SGO1: variants seen among roughly 807,000 people sequenced by gnomAD.
The protein encoded by SGO1 is shugoshin 1.
SGO1 carries 39 observed loss-of-function variants against 50.5 expected under a neutral mutation model. That is an observed-to-expected ratio of 0.77 (90% CI 0.60 to 1.01). SGO1 has a LOEUF of 1.01. Among genes scored for constraint, SGO1 ranks in the 50% least tolerant of loss-of-function variants. SGO1 has a pLI of 0.00. For synonymous variants in SGO1, 191 were observed against 205.1 expected (o/e 0.93, Z 0.59); for missense variants, 638 against 606.0 (o/e 1.05, Z -0.55).
chr3:20,163,871 AC>A (rs994396391), intron 8 of SGO1, among the ~76,000 whole-genome samples: 5 of 152,226 alleles, frequency 3.3e-5, no homozygotes, highest in African/African-American at 1.2e-4. Context: ...CTTGTATAAC[AC>A]AAATTAGCAA....
intron 8 of SGO1, among the ~76,000 whole-genome samples, chr3:20,162,333 A>C (rs895841573): frequency 1.3e-5 from 2 of 152,210 alleles, no homozygotes; most frequent in Non-Finnish European, 2.9e-5. Flanking sequence ...ACCTTGTTGA[A>C]TAAATGAGAC....
Position 20,174,655 on chromosome 3 carries a change from T to C in SGO1, c.876A>G (p.Arg292=), listed in dbSNP as rs1701166695. The C allele has an allele frequency of 6.2e-7, 1 of 1,604,550 alleles. No individual in the cohort carries two copies. The highest frequency in any genetic ancestry group is 1.3e-5 in the African/African-American group (1 of 74,152). The change falls in exon 6 of 8, where the codon AGA becomes AGG. Residue 292 remains arginine, a synonymous_variant. Coordinates refer to ENST00000412997, the MANE Select transcript of SGO1 (RefSeq NM_001199251.3). ...TCCTGTTAGCTTTTCTTTTCTCTTC[T>C]CTTTTTCTTTCTTGTGTATCTCTTT... ...SKQRDTQERK[R]EEKRKANRRK...
rs780685130 is a variant in SGO1, at chr3:20,174,925, T to C, written c.606A>G (p.Ile202Met). 6.2e-7 allele frequency: 1 copy of C among 1,614,098 alleles called. No homozygotes were observed. Among genetic ancestry groups the C allele is most frequent in the Non-Finnish European group, 8.5e-7 (1 of 1,179,980 alleles). Residue 202 changes from isoleucine to methionine, a missense_variant, in exon 6 of 8, where the codon ATA becomes ATG. By Grantham distance (10) the Ile-to-Met change is conservative. Transcript: ENST00000412997. ...AATCATCCAAGCTATCAAACTGACA[T>C]ATACTGTTACAATGTTTCTTTAAAC... is the stretch of plus-strand genomic sequence containing the variant. Reference protein sequence around the residue: ...RSSLKKHCNSICQFDSLDDFE... With the variant: ...RSSLKKHCNSMCQFDSLDDFE...
Position 20,174,905 on chromosome 3 carries a change from T to C in SGO1, c.626A>G (p.Asp209Gly), listed in dbSNP as rs758226138. Residue 209 changes from aspartate (D) to glycine (G), a missense_variant, in exon 6 of 8, where the codon GAT becomes GGT. Physicochemically the swap from Asp to Gly is moderately conservative, Grantham distance 94 (BLOSUM62 -1). Coordinates refer to ENST00000412997, the MANE Select transcript of SGO1 (RefSeq NM_001199251.3). Reference protein sequence around the residue: ...CNSICQFDSLDDFETSHLAGK... With the variant: ...CNSICQFDSLGDFETSHLAGK... ...TGCCAAATGACTGGTTTCAAAATCA[T>C]CCAAGCTATCAAACTGACATATACT... The C allele has an allele frequency of 1.2e-6, 2 of 1,614,092 alleles. No individual in the cohort carries two copies. The highest frequency in any genetic ancestry group is 2.2e-5 in the South Asian group (2 of 91,074).
chr3:20,169,653 G>C lies in SGO1; in HGVS notation c.*1051C>G, dbSNP rs1700521350. On this transcript the variant is annotated 3_prime_UTR_variant, in exon 8 of 8. Coordinates refer to ENST00000412997, the MANE Select transcript of SGO1 (RefSeq NM_001199251.3). Reference sequence around the variant, plus strand: ...CTAAATATTCACACATTTAATCTCTGAGATTTCTGACTAAATAAGGAGCTA... The same window carrying C: ...CTAAATATTCACACATTTAATCTCTCAGATTTCTGACTAAATAAGGAGCTA... 1.0e-6 allele frequency: 1 copy of C among 971,814 alleles called. No homozygotes were observed. Among genetic ancestry groups the C allele is most frequent in the Admixed American group, 6.2e-5 (1 of 16,232 alleles). The allele number at this position is 971,814 out of a possible 1,614,324, so 60.2% of individuals were successfully genotyped here. A position where few individuals can be genotyped will look rare whatever the true frequency, so the allele number is the denominator to read the frequency against.
At chr3:20,172,858 G>A (rs1355653688) in intron 6 of SGO1, among the ~76,000 whole-genome samples, 1 of 151,132 alleles carries the variant, frequency 6.6e-6, no homozygotes, top group Non-Finnish European at 1.5e-5. Flanking sequence ...CCCAAGTACT[G>A]GGGAGGCTGA....
chr3:20,186,039 A>T lies in SGO1; in HGVS notation c.-99T>A, dbSNP rs1048122859. 3.3e-5 allele frequency: 5 copies of T among 152,408 alleles called. No homozygotes were observed. Among genetic ancestry groups the T allele is most frequent in the Non-Finnish European group, 4.4e-5 (3 of 68,214 alleles). The allele number at this position is 152,408 out of a possible 1,614,324, so 9.4% of individuals were successfully genotyped here. ...GTGGACGCGGCGACCCTCCTGCCGC[A>T]GGCGCGTCCAGAACGATACCTTGGC... is the stretch of plus-strand genomic sequence containing the variant. On this transcript the variant is annotated 5_prime_UTR_variant, in exon 1 of 8. Coordinates refer to ENST00000412997, the MANE Select transcript of SGO1 (RefSeq NM_001199251.3).
rs755358207 is a variant in SGO1 at position 20,174,294 on chromosome 3, C to G, written c.1237G>C (p.Asp413His). The G allele has an allele frequency of 2.8e-5, 46 of 1,614,140 alleles. No individual in the cohort carries two copies. In the Admixed American group the frequency reaches 7.0e-4, roughly 25 times the overall value. ...PLAKRALKYT[D>H]EKETEGSKPT... is the part of the protein sequence containing the mutation. ...TTAGAACCCTCCGTCTCTTTTTCAT[C>G]TGTGTATTTCAGTGCTCTTTTAGCT... is the stretch of plus-strand genomic sequence containing the variant. Residue 413 changes from aspartate (D) to histidine (H), a missense_variant, in exon 6 of 8, where the codon GAT (aspartate) becomes CAT (histidine). Transcript: ENST00000412997.
At chr3:20,169,049 A>C (rs993306665), downstream of SGO1, 14 of 985,248 alleles carry the variant, frequency 1.4e-5, no homozygotes, top group Non-Finnish European at 1.7e-5. Context: ...AAAACTTAAA[A>C]ATTAAGAGAC....
In SGO1 at chr3:20,183,673, G is replaced by C. The variant is rs1702281084; in HGVS notation, c.274C>G (p.Leu92Val). ...ILQLRKECYYLTCQLYALKGK... is the reference protein window; with the variant it reads ...ILQLRKECYYVTCQLYALKGK... Reference sequence around the variant, plus strand: ...TTCAATGCATATAGCTGACATGTGAGATAGTAACATTCTTTTCTCAGCTGT... The same window carrying C: ...TTCAATGCATATAGCTGACATGTGACATAGTAACATTCTTTTCTCAGCTGT... The change falls in exon 3 of 8, where the codon CTC becomes GTC. Residue 92 changes from leucine to valine, a missense_variant. Leu to Val is a conservative substitution (Grantham distance 32). Coordinates refer to ENST00000412997, the MANE Select transcript of SGO1 (RefSeq NM_001199251.3). 6.2e-7 allele frequency: 1 copy of C among 1,611,910 alleles called. No homozygotes were observed. The highest frequency in any genetic ancestry group is 1.7e-4 in the Middle Eastern group (1 of 6,052).
chr3:20,177,872 T>C (rs189906542), intron 4 of SGO1, among the ~76,000 whole-genome samples: 3,932 of 150,052 alleles, frequency 0.026, 70 homozygotes, highest in Non-Finnish European at 0.038. Flanking sequence ...GTGTTAAATA[T>C]GATATTTTAT....
At chr3:20,178,190 T>G (rs1358226638) in intron 4 of SGO1, 81 bp downstream of exon 4, 1 of 963,598 alleles carries the variant, frequency 1.0e-6, no homozygotes, top group Non-Finnish European at 1.7e-6. Context: ...GTTGACATGA[T>G]GCACATTTCC....
chr3:20,166,131 TAGAC>T (rs1203749827), downstream of SGO1, among the ~76,000 whole-genome samples: 1 of 151,684 alleles, frequency 6.6e-6, no homozygotes, highest in African/African-American at 2.4e-5. Context: ...GAAGAGAAAA[TAGAC>T]AAATTGGATT....
intron 3 of SGO1, among the ~76,000 whole-genome samples, chr3:20,183,142 A>G (rs541163944): frequency 6.6e-6 from 1 of 152,350 alleles, no homozygotes; most frequent in South Asian, 2.1e-4. Flanking sequence ...AATACTCCCT[A>G]TGTCCTAAAT....
Position 20,174,893 on chromosome 3 carries a change from G to C in SGO1, c.638C>G (p.Thr213Ser). ...CQFDSLDDFE[T>S]SHLAGKSFEF... is the part of the protein sequence containing the mutation. ...AAAAGACTTCCCTGCCAAATGACTG[G>C]TTTCAAAATCATCCAAGCTATCAAA... Residue 213 changes from threonine to serine, a missense_variant, in exon 6 of 8, where the codon ACC becomes AGC. Physicochemically the swap from Thr to Ser is moderately conservative, Grantham distance 58 (BLOSUM62 1). Transcript: ENST00000412997. 1 of 1,613,900 alleles carries C rather than the reference G, an allele frequency of 6.2e-7. No individual in the cohort carries two copies. Among genetic ancestry groups the C allele is most frequent in the Non-Finnish European group, 8.5e-7 (1 of 1,179,968 alleles).
chr3:20,175,856 C>G (rs1701331124), intron 5 of SGO1, among the ~76,000 whole-genome samples: 1 of 151,812 alleles, frequency 6.6e-6, no homozygotes, highest in Non-Finnish European at 1.5e-5. Flanking sequence ...AATGAATAGT[C>G]TATATGTATC....
chr3:20,165,052 G>A (rs376308379), downstream of SGO1, among the ~76,000 whole-genome samples: 15 of 152,298 alleles, frequency 9.8e-5, no homozygotes, highest in East Asian at 2.1e-3. Context: ...AGGAATACCC[G>A]AAGCTGGATA....
chr3:20,183,350 T>G (rs990376638), intron 3 of SGO1, among the ~76,000 whole-genome samples: 2 of 152,238 alleles, frequency 1.3e-5, no homozygotes, highest in Non-Finnish European at 2.9e-5. Flanking sequence ...TGCAAAAGGC[T>G]AAACTATTTC....
At chr3:20,185,320 C>A (rs1262868656) in intron 1 of SGO1, among the ~76,000 whole-genome samples, 1 of 152,188 alleles carries the variant, frequency 6.6e-6, no homozygotes, top group Non-Finnish European at 1.5e-5. Flanking sequence ...ACCTAAAAAG[C>A]TTTCGTTATT....
Sources: gnomAD v4.1 joint callset for allele counts (sites outside exome capture counted in the v4.1 genomes callset) on GRCh38, gnomAD v4.1.1 for gene constraint, MANE v1.5 for transcripts, NCBI Gene and HGNC (gene_info 2026-07-23, HGNC 2026-07-21) for gene names.